Variants in IL1A observed in about 807,000 individuals in gnomAD.
IL1A encodes interleukin 1 alpha.
In IL1A, 16 loss-of-function variants were observed where a neutral mutation model predicts 22.2. The ratio of observed to expected loss-of-function variants is 0.72; its 90% CI spans 0.49 to 1.09. The LOEUF (loss-of-function observed/expected upper bound fraction) is 1.09, where lower values mean the gene tolerates loss of function less well. Ranked by LOEUF, IL1A falls within the 50% of genes least tolerant of loss-of-function variation. The pLI, the probability that IL1A is intolerant of heterozygous loss-of-function variation, is 0.00. For missense variants in IL1A, 317 were observed against 321.8 expected (o/e 0.99, Z 0.11); for synonymous variants, 113 against 118.5 (o/e 0.95, Z 0.30).
chr2:112,776,259 C>A (rs140229403), intron 6 of IL1A, among the ~76,000 whole-genome samples: 1 of 152,308 alleles, frequency 6.6e-6, no homozygotes, highest in African/African-American at 2.4e-5. Flanking sequence ...AATGGGTTTT[C>A]ATTGTACCTC....
chr2:112,777,669 C>CTAGTAT (rs1681122605), intron 6 of IL1A, among the ~76,000 whole-genome samples: 1 of 151,972 alleles, frequency 6.6e-6, no homozygotes, highest in Non-Finnish European at 1.5e-5. Context: ...GTCCTAATGT[C>CTAGTAT]TAGTATTGTG....
At position 112,775,112 on chromosome 2, in the gene IL1A, C is replaced by A. The variant is rs1349092283; in HGVS notation, c.771G>T (p.Gly257=). Residue 257 remains glycine, a synonymous_variant, in exon 7 of 7, where the codon GGG becomes GGT. Coordinates refer to ENST00000263339, the MANE Select transcript of IL1A (RefSeq NM_000575.5). ...KQDYWVCLAG[G]PPSITDFQIL... ...TCTGAAAGTCAGTGATAGAGGGTGG[C>A]CCCCCTGCCAAGCACACCCAGTAGT... The A allele has an allele frequency of 6.2e-7, 1 of 1,613,862 alleles. No homozygotes were observed. The highest frequency in any genetic ancestry group is 2.2e-5 in the East Asian group (1 of 44,896).
chr2:112,780,214 G>A (rs1202782262), intron 4 of IL1A, among the ~76,000 whole-genome samples: 1 of 152,078 alleles, frequency 6.6e-6, no homozygotes, highest in African/African-American at 2.4e-5. Flanking sequence ...TGAAAAACGG[G>A]CACTCTAAAA....
Position 112,781,770 on chromosome 2 carries a change from A to G in IL1A, c.153T>C (p.Ser51=). 3 of 1,614,190 alleles carry G rather than the reference A, an allele frequency of 1.9e-6. No homozygotes were observed. The highest frequency in any genetic ancestry group is 2.5e-6 in the Non-Finnish European group (3 of 1,180,012). Residue 51 remains serine (S), a synonymous_variant, in exon 4 of 7, where the codon TCT becomes TCC. Transcript: ENST00000263339. The stretch of plus-strand genomic sequence containing the variant: ...AGGTTTCAGAGATACTCAGAGACAC[A>G]GATTGATCCATGCAGCCTTCATGGA... ...GPLHEGCMDQ[S]VSLSISETSK... is the part of the protein sequence containing the mutation.
At chr2:112,784,067 A>G (rs1681259765) in intron 1 of IL1A, among the ~76,000 whole-genome samples, 1 of 152,270 alleles carries the variant, frequency 6.6e-6, no homozygotes, top group Non-Finnish European at 1.5e-5. Flanking sequence ...TGAAGAGGTT[A>G]CAAAAACACC....
chr2:112,775,363 A>G, intron 6 of IL1A, 96 bp from the exon 7 acceptor site: 2 of 864,540 alleles, frequency 2.3e-6, no homozygotes, highest in South Asian at 3.0e-5. Context: ...GAGAAACAGC[A>G]CTTTAGGACT....
chr2:112,779,325 C>G (rs1006949991), intron 5 of IL1A, among the ~76,000 whole-genome samples, 171 bp downstream of exon 5: 1 of 151,984 alleles, frequency 6.6e-6, no homozygotes, highest in Non-Finnish European at 1.5e-5. Context: ...AACCTTCTGC[C>G]CTGGCTTGGG....
chr2:112,775,757 C>CAT (rs1681091901), intron 6 of IL1A, among the ~76,000 whole-genome samples: 1 of 151,898 alleles, frequency 6.6e-6, no homozygotes, highest in Non-Finnish European at 1.5e-5. Context: ...TAAACACACG[C>CAT]ACACACATAC....
chr2:112,782,638 G>A (rs1021315263), intron 3 of IL1A, 78 bp downstream of exon 3: 2 of 1,044,494 alleles, frequency 1.9e-6, no homozygotes, highest in African/African-American at 3.2e-5. Context: ...GAAGATTCAA[G>A]TCATTGCTGT....
rs746881461 is a variant in IL1A at position 112,782,739 on chromosome 2, T to C, written c.73A>G (p.Ile25Val). 1.8e-5 allele frequency: 29 copies of C among 1,608,940 alleles called. No individual in the cohort carries two copies. Among genetic ancestry groups the C allele is most frequent in the Non-Finnish European group, 2.4e-5 (28 of 1,175,294 alleles). Residue 25 changes from isoleucine (I) to valine (V), a missense_variant, in exon 3 of 7, where the codon ATT becomes GTT. Transcript: ENST00000263339. ...YSENEEDSSS[I>V]DHLSLNQKSF... is the part of the protein sequence containing the mutation. The stretch of plus-strand genomic sequence containing the variant: ...ACCTGATTCAGAGACAGATGATCAA[T>C]GGAGGAACTGTCTTCTTCATTTTCA...
intron 5 of IL1A, among the ~76,000 whole-genome samples, 180 bp downstream of exon 5, chr2:112,779,316 A>C (rs1681153817): frequency 6.6e-6 from 1 of 152,040 alleles, no homozygotes. Flanking sequence ...ATTTAGTTGA[A>C]CCTTCTGCCC....
chr2:112,777,150 G>A (rs1269215305), intron 6 of IL1A, among the ~76,000 whole-genome samples: 1 of 149,474 alleles, frequency 6.7e-6, no homozygotes, highest in Non-Finnish European at 1.5e-5. Context: ...TTGGTTGTTT[G>A]GGTTGTCTGT....
chr2:112,774,202 T>G lies in IL1A; in HGVS notation c.*865A>C, dbSNP rs1681056331. The G allele has an allele frequency of 6.6e-6, 1 of 152,110 alleles. No homozygotes were observed. Among genetic ancestry groups the G allele is most frequent in the South Asian group, 2.1e-4 (1 of 4,826 alleles). 9.4% of individuals were successfully genotyped at this position (152,110 alleles called of 1,614,324 possible). A position where few individuals can be genotyped will look rare whatever the true frequency, so the allele number is the denominator to read the frequency against. ...GTCAAAGATCGGACCAATTACTGGCTCAAGGTAATTAATGTACATTTATTA... is the reference window on the plus strand; with the variant it reads ...GTCAAAGATCGGACCAATTACTGGCGCAAGGTAATTAATGTACATTTATTA... On this transcript the variant is annotated 3_prime_UTR_variant, in exon 7 of 7. Coordinates refer to ENST00000263339, the MANE Select transcript of IL1A (RefSeq NM_000575.5).
At position 112,775,182 on chromosome 2, in the gene IL1A, A is replaced by C. The variant is rs147177010; in HGVS notation, c.701T>G (p.Phe234Cys). The C allele has an allele frequency of 6.2e-7, 1 of 1,614,104 alleles. No homozygotes were observed. Among genetic ancestry groups the C allele is most frequent in the African/African-American group, 1.3e-5 (1 of 74,934 alleles). ...FWETHGTKNYFTSVAHPNLFI... is the reference protein window; with the variant it reads ...FWETHGTKNYCTSVAHPNLFI... ...CAAGTTTGGATGGGCAACTGATGTG[A>C]AATAGTTCTTAGTGCCGTGAGTTTC... The change falls in exon 7 of 7, where the codon TTC (phenylalanine) becomes TGC (cysteine). Residue 234 changes from phenylalanine (F) to cysteine (C), a missense_variant. Phe to Cys is a radical substitution (Grantham distance 205). Coordinates refer to ENST00000263339, the MANE Select transcript of IL1A (RefSeq NM_000575.5).
At chr2:112,779,085 A>C (rs1303304187) in intron 5 of IL1A, among the ~76,000 whole-genome samples, 1 of 152,218 alleles carries the variant, frequency 6.6e-6, no homozygotes, top group Non-Finnish European at 1.5e-5. Context: ...GTTTGGTGTT[A>C]CTTGTGAGTT....
At chr2:112,783,860 C>T in intron 1 of IL1A, 82 bp from the exon 2 acceptor site, 1 of 1,241,796 alleles carries the variant, frequency 8.1e-7, no homozygotes, top group Non-Finnish European at 1.2e-6. Flanking sequence ...CCTCTTTGTG[C>T]TTCCTGAAAA....
chr2:112,779,458 G>C (rs1277760792), intron 5 of IL1A, 38 bp downstream of exon 5: 4 of 1,462,976 alleles, frequency 2.7e-6, no homozygotes, highest in Middle Eastern at 1.8e-4. Context: ...TGAAAGGAGG[G>C]GAGGATGACA....
Position 112,779,577 on chromosome 2 carries a change from T to G in IL1A, c.409A>C (p.Asn137His), listed in dbSNP as rs987079326. The change falls in exon 5 of 7, where the codon AAT becomes CAT. Residue 137 changes from asparagine (N) to histidine (H), a missense_variant. Coordinates refer to ENST00000263339, the MANE Select transcript of IL1A (RefSeq NM_000575.5). The stretch of plus-strand genomic sequence containing the variant: ...ATTATACTTTGATTGAGGGCGTCAT[T>G]CAGGATGAATTCGTATTTGATGATC... ...MRIIKYEFIL[N>H]DALNQSIIRA... 2 of 1,612,738 alleles carry G rather than the reference T, an allele frequency of 1.2e-6. No homozygotes were observed. The highest frequency in any genetic ancestry group is 1.7e-6 in the Non-Finnish European group (2 of 1,178,930).
intron 2 of IL1A, 67 bp downstream of exon 2, chr2:112,783,657 G>A (rs938029753): frequency 5.8e-6 from 8 of 1,367,704 alleles, no homozygotes; most frequent in South Asian, 1.2e-5. Context: ...CCACTGTTAT[G>A]CCTAGCTGGA....
Sources: allele counts gnomAD v4.1 joint callset (sites outside exome capture counted in the v4.1 genomes callset), GRCh38; gene constraint gnomAD v4.1.1; transcripts MANE v1.5; gene names NCBI Gene and HGNC (gene_info 2026-07-23, HGNC 2026-07-21).